DCLK1: variants seen among roughly 807,000 people sequenced by gnomAD.
The protein encoded by DCLK1 is serine/threonine-protein kinase DCLK1.
A neutral mutation model predicts 86.2 loss-of-function variants in DCLK1; 16 were observed. The ratio of observed to expected loss-of-function variants is 0.19; its 90% CI spans 0.13 to 0.28. The LOEUF (loss-of-function observed/expected upper bound fraction) is 0.28. Ranked by LOEUF, DCLK1 falls within the 10% of genes least tolerant of loss-of-function variation. The probability of loss-of-function intolerance (pLI) is 1.00; values close to 1 mark genes in which losing one functional copy is unlikely to be tolerated. For missense variants in DCLK1, 590 were observed against 940.2 expected (o/e 0.63, Z 4.87); for synonymous variants, 369 against 370.5 (o/e 1.00, Z 0.05).
intron 3 of DCLK1, among the ~76,000 whole-genome samples, chr13:35,948,752 C>T (rs191131848): frequency 2.0e-5 from 3 of 152,232 alleles, no homozygotes; most frequent in Admixed American, 6.5e-5. Flanking sequence ...GTACTATCCA[C>T]GGTTGTCAGT....
intron 5 of DCLK1, among the ~76,000 whole-genome samples, chr13:35,866,862 T>G (rs1046944951): frequency 6.6e-6 from 1 of 152,212 alleles, no homozygotes; most frequent in Admixed American, 6.5e-5. Context: ...GTAATCCATA[T>G]AGAGACAATT....
At chr13:35,942,233 C>G (rs1454258637) in intron 4 of DCLK1, among the ~76,000 whole-genome samples, 1 of 151,922 alleles carries the variant, frequency 6.6e-6, no homozygotes, top group Non-Finnish European at 1.5e-5. Flanking sequence ...GTGGTGTGAT[C>G]TTGGCTCACT....
intron 4 of DCLK1, among the ~76,000 whole-genome samples, chr13:35,932,121 C>T (rs900579098): frequency 2.6e-5 from 4 of 152,168 alleles, no homozygotes; most frequent in African/African-American, 7.2e-5. Context: ...CCCTCTCCAA[C>T]GTAGGTAGGC....
intron 3 of DCLK1, among the ~76,000 whole-genome samples, chr13:35,948,798 G>T (rs1449651041): frequency 1.3e-5 from 2 of 152,138 alleles, no homozygotes; most frequent in Non-Finnish European, 2.9e-5. Context: ...AAACACAGGG[G>T]ATTTAAGAGG....
At chr13:35,805,059 A>G (rs961136718) in intron 15 of DCLK1, among the ~76,000 whole-genome samples, 3 of 152,210 alleles carry the variant, frequency 2.0e-5, no homozygotes, top group Admixed American at 2.0e-4. Context: ...GAATCATGCA[A>G]AAAGCAGGAC....
At chr13:35,849,484 G>C (rs1870450470) in intron 6 of DCLK1, 1 of 984,910 alleles carries the variant, frequency 1.0e-6, no homozygotes, top group Non-Finnish European at 1.2e-6. Context: ...GTTAGTGTTT[G>C]AACTAGTAAA....
intron 3 of DCLK1, among the ~76,000 whole-genome samples, chr13:36,047,580 C>A (rs1882963925): frequency 6.6e-6 from 1 of 152,048 alleles, no homozygotes; most frequent in African/African-American, 2.4e-5. Flanking sequence ...AGTGAATAAG[C>A]CAGGCACAGA....
At chr13:35,898,364 G>A (rs1288709759) in intron 4 of DCLK1, among the ~76,000 whole-genome samples, 2 of 152,182 alleles carry the variant, frequency 1.3e-5, no homozygotes, top group Non-Finnish European at 2.9e-5. Flanking sequence ...CAAGTTCTTG[G>A]AAAGATATTT....
chr13:36,020,971 T>G (rs1332715564), intron 3 of DCLK1, among the ~76,000 whole-genome samples: 2 of 152,160 alleles, frequency 1.3e-5, no homozygotes, highest in Non-Finnish European at 2.9e-5. Context: ...TATAAGTATG[T>G]AAATGTGAAA....
chr13:36,008,347 A>G (rs1457554495), intron 3 of DCLK1, among the ~76,000 whole-genome samples: 51 of 94,592 alleles, frequency 5.4e-4, no homozygotes, highest in South Asian at 3.3e-3. Context: ...AGCATTAGGT[A>G]TATCTCCCAA....
At chr13:35,948,617 G>A (rs1877507307) in intron 3 of DCLK1, among the ~76,000 whole-genome samples, 1 of 152,174 alleles carries the variant, frequency 6.6e-6, no homozygotes, top group African/African-American at 2.4e-5. Context: ...GTCCCCAAAT[G>A]CAATGATGTG....
At chr13:35,914,525 TGGGC>T (rs1875291020) in intron 4 of DCLK1, among the ~76,000 whole-genome samples, 1 of 150,790 alleles carries the variant, frequency 6.6e-6, no homozygotes. Flanking sequence ...AAGACAAGCC[TGGGC>T]AAAATGGCAA....
chr13:35,830,571 C>T (rs565702431), intron 8 of DCLK1, among the ~76,000 whole-genome samples: 1 of 152,206 alleles, frequency 6.6e-6, no homozygotes, highest in African/African-American at 2.4e-5. Flanking sequence ...ACTAAAAGCT[C>T]AAGTGTTTCT....
At chr13:35,799,315 G>C (rs1480857666) in intron 15 of DCLK1, among the ~76,000 whole-genome samples, 1 of 152,046 alleles carries the variant, frequency 6.6e-6, no homozygotes, top group Non-Finnish European at 1.5e-5. Context: ...GCAATGGCAC[G>C]ATCTTGGCTC....
At chr13:36,028,466 T>C (rs1882131268) in intron 3 of DCLK1, among the ~76,000 whole-genome samples, 1 of 152,180 alleles carries the variant, frequency 6.6e-6, no homozygotes, top group Admixed American at 6.5e-5. Flanking sequence ...ATGAGACTCC[T>C]GGTCACCCTG....
intron 4 of DCLK1, among the ~76,000 whole-genome samples, chr13:35,941,129 A>G (rs1877056110): frequency 6.6e-6 from 1 of 152,172 alleles, no homozygotes; most frequent in Admixed American, 6.5e-5. Flanking sequence ...TCTCAACACA[A>G]TCCCACTATT....
intron 3 of DCLK1, among the ~76,000 whole-genome samples, chr13:36,024,316 A>G (rs1881941191): frequency 6.6e-6 from 1 of 152,196 alleles, no homozygotes; most frequent in African/African-American, 2.4e-5. Flanking sequence ...TTCACATGAC[A>G]TGATCTTGTA....
At chr13:35,947,221 G>T in intron 4 of DCLK1, 137 bp downstream of exon 4, 1 of 536,714 alleles carries the variant, frequency 1.9e-6, no homozygotes. Flanking sequence ...AGAAATCCAA[G>T]ATATGGAAAA....
chr13:35,972,667 T>C (rs559956239), intron 3 of DCLK1, among the ~76,000 whole-genome samples: 3 of 150,312 alleles, frequency 2.0e-5, no homozygotes, highest in African/African-American at 7.3e-5. Context: ...TGAGACAGAG[T>C]GGGAAGGAAG....
Sources: allele counts gnomAD v4.1 joint callset (sites outside exome capture counted in the v4.1 genomes callset), GRCh38; gene constraint gnomAD v4.1.1; transcripts MANE v1.5; gene names NCBI Gene and HGNC (gene_info 2026-07-23, HGNC 2026-07-21).